Variants in TOPORS observed in about 807,000 individuals in gnomAD.
The protein encoded by TOPORS is E3 ubiquitin-protein ligase Topors.
In TOPORS, 25 loss-of-function variants were observed where a neutral mutation model predicts 81.4. The ratio of observed to expected loss-of-function variants is 0.31; its 90% CI spans 0.22 to 0.43. The LOEUF (loss-of-function observed/expected upper bound fraction) is 0.43, where lower values mean the gene tolerates loss of function less well. Ranked by LOEUF, TOPORS falls within the 20% of genes least tolerant of loss-of-function variation. The pLI, the probability that TOPORS is intolerant of heterozygous loss-of-function variation, is 1.00. For missense variants in TOPORS, 1,101 were observed against 1,267.0 expected (o/e 0.87, Z 1.99); for synonymous variants, 473 against 456.6 (o/e 1.04, Z -0.46).
At chr9:32,548,102 G>C (rs551362894) in intron 2 of TOPORS, among the ~76,000 whole-genome samples, 9 of 147,000 alleles carry the variant, frequency 6.1e-5, no homozygotes, top group African/African-American at 2.3e-4. Context: ...CGCCCGTCTC[G>C]GCCTCCCAAA....
At chr9:32,552,379 T>C (rs1483556230) in intron 1 of TOPORS, 55 bp downstream of exon 1, 1 of 1,603,244 alleles carries the variant, frequency 6.2e-7, no homozygotes, top group Admixed American at 1.7e-5. Flanking sequence ...CCTGGGAGGT[T>C]ACTGTAAGGC....
At chr9:32,547,999 A>ATTTTTTTT (rs747727912) in intron 2 of TOPORS, among the ~76,000 whole-genome samples, 118 of 83,706 alleles carry the variant, frequency 1.4e-3, no homozygotes, top group East Asian at 5.3e-3. Flanking sequence ...CACGCTCGGC[A>ATTTTTTTT]TTTTTTTTTT....
At position 32,552,480 on chromosome 9, in the gene TOPORS, G is replaced by C; in HGVS notation, c.-44C>G. On this transcript the variant is annotated 5_prime_UTR_variant, in exon 1 of 3. Coordinates refer to ENST00000360538, the MANE Select transcript of TOPORS (RefSeq NM_005802.5). ...CACGCTGGACTGGATTTATTCAGTG[G>C]TAAGTCCCGGGGATCGCGGGCCCCC... The C allele has an allele frequency of 6.3e-7, 1 of 1,594,156 alleles. No homozygotes were observed. Among genetic ancestry groups the C allele is most frequent in the Non-Finnish European group, 8.5e-7 (1 of 1,170,808 alleles).
chr9:32,548,980 T>TA (rs377655298), intron 2 of TOPORS, among the ~76,000 whole-genome samples: 24 of 152,230 alleles, frequency 1.6e-4, no homozygotes, highest in African/African-American at 5.5e-4. Context: ...AAACGAAGTA[T>TA]AACTGCTCTG....
chr9:32,551,833 T>TA (rs975005530), intron 1 of TOPORS: 19 of 450,676 alleles, frequency 4.2e-5, no homozygotes, highest in African/African-American at 2.6e-4. Flanking sequence ...TATTTCTTCT[T>TA]AGAGATATAC....
At position 32,542,346 on chromosome 9, in the gene TOPORS, T is replaced by C. The variant is rs2118966104; in HGVS notation, c.2179A>G (p.Arg727Gly). Residue 727 changes from arginine to glycine, a missense_variant, in exon 3 of 3, where the codon AGA becomes GGA. Around this residue, in one of 9 missense-constraint regions of TOPORS, gnomAD observed 605 missense variants for 636.1 expected, o/e 0.95. Transcript: ENST00000360538. ...GAAGACTGTCTAGAATAATGAGCTC[T>C]GGACAGAGTCCTCCTCCTGTAAGAT... The part of the protein sequence containing the change: ...ESSYRRRTLS[R>G]AHYSRQSSSP... 8 of 1,614,202 alleles carry C rather than the reference T, an allele frequency of 5.0e-6. No homozygotes were observed. The highest frequency in any genetic ancestry group is 6.8e-6 in the Non-Finnish European group (8 of 1,180,032).
chr9:32,543,737 T>TA lies in TOPORS; in HGVS notation c.787dup (p.Tyr263LeufsTer8). On this transcript the variant is annotated frameshift_variant, in exon 3 of 3. Coordinates refer to ENST00000360538, the MANE Select transcript of TOPORS (RefSeq NM_005802.5). LOFTEE classifies it high-confidence loss of function. This position sits in a 1 kb window ranked among gnomAD's most constrained non-coding sequence, Gnocchi z 5.6. ...ATTTCTAACTCGAGCACCAGCACGA[T>TA]AAAGAGTTCGTCTAAAATTAATAAT... is the stretch of plus-strand genomic sequence containing the variant. 6.2e-7 allele frequency: 1 copy of TA among 1,612,198 alleles called. No homozygotes were observed. Among genetic ancestry groups the TA allele is most frequent in the Non-Finnish European group, 8.5e-7 (1 of 1,178,782 alleles).
intron 2 of TOPORS, among the ~76,000 whole-genome samples, chr9:32,544,699 T>C (rs1362011264): frequency 6.6e-6 from 1 of 152,128 alleles, no homozygotes; most frequent in Admixed American, 6.5e-5. Context: ...TCAAATATTA[T>C]GTAACATTCT....
rs566146838 is a variant in TOPORS, at chr9:32,543,935, C to A, written c.590G>T (p.Gly197Val). The A allele has an allele frequency of 6.2e-7, 1 of 1,614,094 alleles. No individual in the cohort carries two copies. The highest frequency in any genetic ancestry group is 1.3e-5 in the African/African-American group (1 of 75,024). Reference sequence around the variant, plus strand: ...AGTTGTTGTTCTTCTGTTCACAGGACCACTAGGTGAATACACAGAAGCATT... The same window carrying A: ...AGTTGTTGTTCTTCTGTTCACAGGAACACTAGGTGAATACACAGAAGCATT... Reference protein sequence around the residue: ...ERNASVYSPSGPVNRRTTTPP... With the variant: ...ERNASVYSPSVPVNRRTTTPP... The change falls in exon 3 of 3, where the codon GGT (glycine) becomes GTT (valine). Residue 197 changes from glycine (G) to valine (V), a missense_variant. Physicochemically the swap from Gly to Val is moderately radical, Grantham distance 109 (BLOSUM62 -3). Coordinates refer to ENST00000360538, the MANE Select transcript of TOPORS (RefSeq NM_005802.5). This position sits in a 1 kb window ranked among gnomAD's most constrained non-coding sequence, Gnocchi z 5.6.
chr9:32,551,605 A>G, intron 1 of TOPORS: 2 of 254,468 alleles, frequency 7.9e-6, no homozygotes, highest in South Asian at 7.8e-5. Context: ...CGAGGTATAA[A>G]GAACGTCTAG....
Position 32,543,241 on chromosome 9 carries a change from T to A in TOPORS, c.1284A>T (p.Ser428=), listed in dbSNP as rs1188435154. 1.2e-6 allele frequency: 2 copies of A among 1,613,730 alleles called. No individual in the cohort carries two copies. ...AAGACATAGTAACGTGTACCTGCTC[T>A]GAGCTTGAGTAAGATGGTCCTGGAG... ...DETPGPSYSS[S]EQVHVTMSSL... is the part of the protein sequence containing the mutation. The change falls in exon 3 of 3, where the codon TCA becomes TCT. Residue 428 remains serine, a synonymous_variant. Transcript: ENST00000360538. This position sits in a 1 kb window ranked among gnomAD's most constrained non-coding sequence, Gnocchi z 5.6.
chr9:32,542,754 G>A lies in TOPORS; in HGVS notation c.1771C>T (p.His591Tyr), dbSNP rs1186920124. 2 of 1,613,814 alleles carry A rather than the reference G, an allele frequency of 1.2e-6. No individual in the cohort carries two copies. The highest frequency in any genetic ancestry group is 2.2e-5 in the East Asian group (1 of 44,870). ...DRVYSPYNHR[H>Y]RKRGRSRSSD... ...CTTCTTGATCTTCCCCTCTTTCTGT[G>A]TCTATGGTTATATGGAGAATATACT... is the stretch of plus-strand genomic sequence containing the variant. Residue 591 changes from histidine (H) to tyrosine (Y), a missense_variant, in exon 3 of 3, where the codon CAC (histidine) becomes TAC (tyrosine). Coordinates refer to ENST00000360538, the MANE Select transcript of TOPORS (RefSeq NM_005802.5).
intron 2 of TOPORS, among the ~76,000 whole-genome samples, chr9:32,548,534 AACACACACAC>A (rs141782813): frequency 6.6e-6 from 1 of 150,696 alleles, no homozygotes; most frequent in East Asian, 1.9e-4. Flanking sequence ...CTCACACACA[AACACACACAC>A]ACACACAAAA....
chr9:32,541,319 C>A lies in TOPORS; in HGVS notation c.*68G>T, dbSNP rs1467372493. 1 of 1,446,620 alleles carries A rather than the reference C, an allele frequency of 6.9e-7. No homozygotes were observed. The highest frequency in any genetic ancestry group is 9.7e-7 in the Non-Finnish European group (1 of 1,035,688). The allele number at this position is 1,446,620 out of a possible 1,614,324, so 89.6% of individuals were successfully genotyped here. The stretch of plus-strand genomic sequence containing the variant: ...CCAAATGTCATCTTTAAATAGACTG[C>A]AGTAGACGACATTCTTCCTTTTTCC... On this transcript the variant is annotated 3_prime_UTR_variant, in exon 3 of 3. Transcript: ENST00000360538.
chr9:32,550,999 A>G (rs1821238018), intron 1 of TOPORS, 31 bp from the exon 2 acceptor site: 1 of 1,605,198 alleles, frequency 6.2e-7, no homozygotes, highest in Non-Finnish European at 8.5e-7. Flanking sequence ...CACCAATGGC[A>G]GCTCGGAAGC....
intron 2 of TOPORS, among the ~76,000 whole-genome samples, chr9:32,546,440 T>C (rs1821141426): frequency 6.6e-6 from 1 of 152,244 alleles, no homozygotes; most frequent in African/African-American, 2.4e-5. Context: ...CACCTAGAAC[T>C]AGCTCTAGTT....
At chr9:32,546,284 C>T (rs1369092693) in intron 2 of TOPORS, among the ~76,000 whole-genome samples, 2 of 152,086 alleles carry the variant, frequency 1.3e-5, no homozygotes, top group South Asian at 2.1e-4. Context: ...TTTTAATCTG[C>T]CTACTCAAGA....
Position 32,542,865 on chromosome 9 carries a change from T to A in TOPORS, c.1660A>T (p.Thr554Ser). 1 of 1,614,190 alleles carries A rather than the reference T, an allele frequency of 6.2e-7. No individual in the cohort carries two copies. Among genetic ancestry groups the A allele is most frequent in the African/African-American group, 1.3e-5 (1 of 75,066 alleles). The change falls in exon 3 of 3, where the codon ACA (threonine) becomes TCA (serine). Residue 554 changes from threonine to serine, a missense_variant. Physicochemically the swap from Thr to Ser is moderately conservative, Grantham distance 58. Around this residue, in one of 9 missense-constraint regions of TOPORS, gnomAD observed 605 missense variants for 636.1 expected, o/e 0.95. Coordinates refer to ENST00000360538, the MANE Select transcript of TOPORS (RefSeq NM_005802.5). ...QINKGHCDSS[T>S]RIKSKKEEKR... is the part of the protein sequence containing the mutation. ...TCTTCCTTCTTTGATTTGATTCTTG[T>A]ACTAGAATCACAATGACCTTTATTT...
At chr9:32,550,314 C>A (rs116929706) in intron 2 of TOPORS, among the ~76,000 whole-genome samples, 1 of 152,148 alleles carries the variant, frequency 6.6e-6, no homozygotes, top group Non-Finnish European at 1.5e-5. Flanking sequence ...CCCAAAGCCA[C>A]GGTGATAGTC....
Sources: gnomAD v4.1 joint callset for allele counts (sites outside exome capture counted in the v4.1 genomes callset) on GRCh38, gnomAD v4.1.1 for gene constraint, gnomAD v4.1.1 regional missense constraint, Gnocchi (gnomAD v3.1) non-coding constraint, MANE v1.5 for transcripts, NCBI Gene and HGNC (gene_info 2026-07-23, HGNC 2026-07-21) for gene names.